The following TTC29 variants were observed in gnomAD, a reference collection of about 807,000 sequenced individuals.
The protein encoded by TTC29 is tetratricopeptide repeat domain 29.
A neutral mutation model predicts 58.1 loss-of-function variants in TTC29; 49 were observed. The observed-to-expected ratio is 0.84, with a 90% CI of 0.67 to 1.07. The LOEUF (loss-of-function observed/expected upper bound fraction) is 1.07. TTC29 is among the 50% of genes least tolerant of loss of function. The pLI, the probability that TTC29 is intolerant of heterozygous loss-of-function variation, is 0.00. For synonymous variants in TTC29, 209 were observed against 196.8 expected (o/e 1.06, Z -0.52); for missense variants, 582 against 555.6 (o/e 1.05, Z -0.48).
chr4:146,817,211 G>C (rs1751470346), intron 10 of TTC29, among the ~76,000 whole-genome samples: 1 of 152,184 alleles, frequency 6.6e-6, no homozygotes, highest in African/African-American at 2.4e-5. Context: ...ATCTCCTTAA[G>C]CTGATAAGCA....
At chr4:146,938,529 T>A (rs1404422554) in intron 3 of TTC29, among the ~76,000 whole-genome samples, 1 of 152,270 alleles carries the variant, frequency 6.6e-6, no homozygotes, top group South Asian at 2.1e-4. Context: ...ATAAGCTTTT[T>A]CAGACTTCAT....
intron 11 of TTC29, among the ~76,000 whole-genome samples, chr4:146,749,618 A>T (rs538125795): frequency 2.6e-5 from 4 of 152,322 alleles, no homozygotes; most frequent in Non-Finnish European, 5.9e-5. Flanking sequence ...AAACAAGCAT[A>T]CTTAATCAAA....
chr4:146,865,409 T>C (rs1005773580), intron 8 of TTC29, among the ~76,000 whole-genome samples: 1 of 152,196 alleles, frequency 6.6e-6, no homozygotes, highest in East Asian at 1.9e-4. Flanking sequence ...AGATAAGGCT[T>C]GTCCAAATTA....
At chr4:146,846,516 C>G (rs1396222232) in intron 8 of TTC29, among the ~76,000 whole-genome samples, 2 of 152,120 alleles carry the variant, frequency 1.3e-5, no homozygotes, top group Non-Finnish European at 2.9e-5. Flanking sequence ...CAAAATGAGG[C>G]AGAGAAGCTG....
chr4:146,897,778 G>A (rs1031380487), intron 6 of TTC29, among the ~76,000 whole-genome samples: 5 of 152,178 alleles, frequency 3.3e-5, no homozygotes, highest in African/African-American at 1.2e-4. Flanking sequence ...TGCTAGCATG[G>A]CAATTGTTCC....
intron 8 of TTC29, among the ~76,000 whole-genome samples, chr4:146,839,078 G>A (rs572788196): frequency 7.9e-5 from 12 of 151,956 alleles, no homozygotes; most frequent in South Asian, 4.1e-4. Flanking sequence ...AGAGTTGTAC[G>A]AAATAACACA....
At chr4:146,893,378 G>A (rs1489409896) in intron 6 of TTC29, among the ~76,000 whole-genome samples, 1 of 152,046 alleles carries the variant, frequency 6.6e-6, no homozygotes, top group African/African-American at 2.4e-5. Flanking sequence ...ATAATGCCAT[G>A]TATCTACAAC....
chr4:146,922,023 AAAAAAAAG>A (rs1258279914), intron 4 of TTC29, among the ~76,000 whole-genome samples: 3 of 149,848 alleles, frequency 2.0e-5, no homozygotes, highest in Admixed American at 6.7e-5. Context: ...AAAAAAAAAA[AAAAAAAAG>A]AAAGAAAGAA....
intron 4 of TTC29, among the ~76,000 whole-genome samples, chr4:146,923,089 A>G (rs1463749194): frequency 6.6e-6 from 1 of 151,866 alleles, no homozygotes. Context: ...TATTTAGTCA[A>G]TTTTACAAAA....
chr4:146,895,753 T>C (rs1347292994), intron 6 of TTC29, among the ~76,000 whole-genome samples: 2 of 152,190 alleles, frequency 1.3e-5, no homozygotes, highest in East Asian at 3.9e-4. Context: ...TCTTATGAAT[T>C]TGTTTTATAC....
chr4:146,910,431 A>T (rs1733821593), intron 4 of TTC29, among the ~76,000 whole-genome samples: 1 of 152,144 alleles, frequency 6.6e-6, no homozygotes, highest in Admixed American at 6.6e-5. Context: ...AAACAAAGTG[A>T]CTAGACTTGC....
At chr4:146,724,648 G>A (rs961939600) in intron 11 of TTC29, among the ~76,000 whole-genome samples, 10 of 151,838 alleles carry the variant, frequency 6.6e-5, no homozygotes, top group Admixed American at 4.6e-4. Context: ...CGAGTAGCTG[G>A]GATTACAGGT....
chr4:146,846,329 C>T (rs965803848), intron 8 of TTC29, among the ~76,000 whole-genome samples: 31 of 152,272 alleles, frequency 2.0e-4, no homozygotes, highest in African/African-American at 6.3e-4. Context: ...TCCCCCATTA[C>T]GAACCCAAGG....
chr4:146,860,270 G>T (rs1302902168), intron 8 of TTC29, among the ~76,000 whole-genome samples: 1 of 152,094 alleles, frequency 6.6e-6, no homozygotes, highest in Non-Finnish European at 1.5e-5. Context: ...ATCATTGATA[G>T]AAATTGTTTC....
intron 10 of TTC29, among the ~76,000 whole-genome samples, chr4:146,814,643 T>G (rs1316314525): frequency 1.3e-5 from 2 of 149,150 alleles, no homozygotes; most frequent in Non-Finnish European, 3.0e-5. Context: ...GGAGAATTAC[T>G]TGAACCCGGG....
intron 11 of TTC29, among the ~76,000 whole-genome samples, chr4:146,792,641 C>T (rs1442024050): frequency 1.3e-5 from 2 of 152,172 alleles, no homozygotes; most frequent in Non-Finnish European, 2.9e-5. Flanking sequence ...GAAGTTTTGA[C>T]TTCGAAGTCT....
chr4:146,894,489 G>T (rs1204015772), intron 6 of TTC29, among the ~76,000 whole-genome samples: 1 of 147,556 alleles, frequency 6.8e-6, no homozygotes, highest in South Asian at 2.2e-4. Context: ...ATGAGAACAT[G>T]TGGACACAGG....
At chr4:146,888,801 A>G (rs1732162132) in intron 6 of TTC29, among the ~76,000 whole-genome samples, 2 of 152,150 alleles carry the variant, frequency 1.3e-5, no homozygotes, top group South Asian at 2.1e-4. Context: ...ATCTTTCAAT[A>G]ATCATTTAAG....
intron 4 of TTC29, among the ~76,000 whole-genome samples, chr4:146,936,779 C>T (rs1399408254): frequency 6.6e-6 from 1 of 152,028 alleles, no homozygotes; most frequent in African/African-American, 2.4e-5. Context: ...TAGCAACACC[C>T]TTTCAGTAGA....
Sources: gnomAD v4.1 joint callset for allele counts (sites outside exome capture counted in the v4.1 genomes callset) on GRCh38, gnomAD v4.1.1 for gene constraint, MANE v1.5 for transcripts, NCBI Gene and HGNC (gene_info 2026-07-23, HGNC 2026-07-21) for gene names.